Variants in SCFD2 observed in about 807,000 individuals in gnomAD.
SCFD2 encodes sec1 family domain containing 2.
SCFD2 carries 54 observed loss-of-function variants against 58.9 expected under a neutral mutation model. The observed-to-expected ratio is 0.92, with a 90% confidence interval of 0.74 to 1.15. SCFD2 has a LOEUF of 1.15. Among genes scored for constraint, SCFD2 ranks in the 50% most tolerant of loss-of-function variants. The probability of loss-of-function intolerance (pLI) is 0.00; values close to 1 mark genes in which losing one functional copy is unlikely to be tolerated. For missense variants in SCFD2, 805 were observed against 836.6 expected (o/e 0.96, Z 0.47); for synonymous variants, 321 against 335.9 (o/e 0.96, Z 0.49).
chr4:52,928,390 T>C (rs1319046866), intron 5 of SCFD2, among the ~76,000 whole-genome samples: 1 of 152,096 alleles, frequency 6.6e-6, no homozygotes, highest in Non-Finnish European at 1.5e-5. Context: ...AATTTCCCCT[T>C]TCATATTAGA....
chr4:53,162,562 A>G (rs1726883691), intron 4 of SCFD2, among the ~76,000 whole-genome samples: 1 of 152,148 alleles, frequency 6.6e-6, no homozygotes, highest in South Asian at 2.1e-4. Context: ...CCAACAGTGT[A>G]AAAGTGTTCC....
chr4:53,238,489 G>C (rs1367335948), intron 4 of SCFD2, among the ~76,000 whole-genome samples: 1 of 151,308 alleles, frequency 6.6e-6, no homozygotes, highest in Non-Finnish European at 1.5e-5. Flanking sequence ...GGCGGCTGGT[G>C]GGGCGGGGGC....
intron 5 of SCFD2, among the ~76,000 whole-genome samples, chr4:53,098,118 C>T (rs1724714910): frequency 1.3e-5 from 2 of 152,152 alleles, no homozygotes; most frequent in Admixed American, 1.3e-4. Context: ...TTTGGTTTAC[C>T]AGTATTTTAT....
At chr4:52,937,711 T>C (rs984979209) in intron 5 of SCFD2, among the ~76,000 whole-genome samples, 1 of 152,074 alleles carries the variant, frequency 6.6e-6, no homozygotes, top group African/African-American at 2.4e-5. Context: ...AGTCACCAAC[T>C]GAGGGTGTGA....
At chr4:53,293,097 T>C (rs1353146678) in intron 3 of SCFD2, among the ~76,000 whole-genome samples, 3 of 152,150 alleles carry the variant, frequency 2.0e-5, no homozygotes, top group East Asian at 3.9e-4. Flanking sequence ...ATGTAGTACA[T>C]ACACACCATA....
In SCFD2 at chr4:53,277,809, T is replaced by C. The variant is rs1215466355; in HGVS notation, c.1136-3808A>G. ...GGCTCACGCCTGTAATCGCAGCTCT[T>C]TGGGAGGCCGAGGCGGGCAGATCAC... is the stretch of plus-strand genomic sequence containing the variant. On this transcript the variant is annotated intron_variant, in intron 3 of 8. Coordinates refer to ENST00000401642, the MANE Select transcript of SCFD2 (RefSeq NM_152540.4). 3.3e-5 allele frequency among the ~76,000 whole-genome samples: 5 copies of C among 152,008 alleles called. No homozygotes were observed. The East Asian group carries it at 5.8e-4, about 18-fold the overall frequency.
intron 5 of SCFD2, among the ~76,000 whole-genome samples, chr4:52,938,349 G>A (rs939023759): frequency 2.6e-5 from 4 of 152,126 alleles, no homozygotes; most frequent in East Asian, 1.9e-4. Context: ...TGAGCCCAGA[G>A]CCCAGACTCC....
rs182119330 is a variant in SCFD2 at position 52,885,816 on chromosome 4, T to A, written c.1893A>T (p.Val631=). ...SDYPLLILFV[V]GGVTVSEVKM... ...TCACTTCAGAGACTGTGACCCCACC[T>A]ACCACAAAGAGGATCAGGAGGGGGT... The change falls in exon 8 of 9, where the codon GTA becomes GTT. Residue 631 remains valine (V), a synonymous_variant. Transcript: ENST00000401642. 8.1e-6 allele frequency: 13 copies of A among 1,614,112 alleles called. No homozygotes were observed. In the Admixed American group the frequency reaches 2.0e-4, roughly 25 times the overall value.
chr4:53,076,605 G>A (rs1363070601), intron 5 of SCFD2, among the ~76,000 whole-genome samples: 1 of 152,148 alleles, frequency 6.6e-6, no homozygotes, highest in African/African-American at 2.4e-5. Flanking sequence ...AGAGGAAAAT[G>A]AGGTGGACGG....
intron 5 of SCFD2, among the ~76,000 whole-genome samples, chr4:52,923,476 T>C (rs1308668720): frequency 1.5e-5 from 1 of 64,760 alleles, no homozygotes; most frequent in Non-Finnish European, 3.0e-5. Flanking sequence ...AGACTGCATC[T>C]CAAATAAATA....
chr4:53,174,434 C>T (rs1727267917), intron 4 of SCFD2, among the ~76,000 whole-genome samples: 1 of 152,128 alleles, frequency 6.6e-6, no homozygotes, highest in East Asian at 1.9e-4. Flanking sequence ...ATCTGAAAAG[C>T]AGTCAAAGAA....
At position 53,008,980 on chromosome 4, in the gene SCFD2, G is replaced by A. The variant is rs1577656689; in HGVS notation, c.1562-88110C>T. 2.0e-5 allele frequency among the ~76,000 whole-genome samples: 3 copies of A among 152,214 alleles called. No individual in the cohort carries two copies. The South Asian group carries it at 6.2e-4, about 32-fold the overall frequency. On this transcript the variant is annotated intron_variant, in intron 5 of 8. Transcript: ENST00000401642. ...CTGACAGAACAATCTAAAGCCTGAT[G>A]TGGAGATCTGGGTCTTAACAACCCC...
In SCFD2 at chr4:52,974,593, C is replaced by T. The variant is rs937505283; in HGVS notation, c.1562-53723G>A. Among the ~76,000 whole-genome samples, 9 of 152,138 alleles carry T rather than the reference C, an allele frequency of 5.9e-5. No individual in the cohort carries two copies. The East Asian group carries it at 1.2e-3, about 19-fold the overall frequency. Reference sequence around the variant, plus strand: ...CAATATCATGAAAATGGCCATACTGCCCAAGGTAATTTATAGATTCAATGT... The same window carrying T: ...CAATATCATGAAAATGGCCATACTGTCCAAGGTAATTTATAGATTCAATGT... On this transcript the variant is annotated intron_variant, in intron 5 of 8. Transcript: ENST00000401642.
At chr4:53,247,997 T>C (rs949624750) in intron 4 of SCFD2, among the ~76,000 whole-genome samples, 1 of 152,152 alleles carries the variant, frequency 6.6e-6, no homozygotes, top group Non-Finnish European at 1.5e-5. Context: ...ATTTCTGCAT[T>C]TCCATCTGAG....
chr4:53,196,591 G>A (rs545922700), intron 4 of SCFD2, among the ~76,000 whole-genome samples: 10 of 152,214 alleles, frequency 6.6e-5, no homozygotes, highest in South Asian at 2.1e-4. Context: ...TAGCCTCTGC[G>A]CCTTTGCAGG....
intron 4 of SCFD2, among the ~76,000 whole-genome samples, chr4:53,159,322 T>C (rs1726785559): frequency 6.6e-6 from 1 of 152,204 alleles, no homozygotes; most frequent in Non-Finnish European, 1.5e-5. Context: ...AGATATCAGC[T>C]GGTGAATGTT....
chr4:53,129,812 C>T (rs1725736290), intron 5 of SCFD2, among the ~76,000 whole-genome samples: 1 of 152,218 alleles, frequency 6.6e-6, no homozygotes, highest in African/African-American at 2.4e-5. Context: ...TCCATGCCTT[C>T]TTTATTCTAG....
chr4:53,029,047 A>G (rs1722551163), intron 5 of SCFD2, among the ~76,000 whole-genome samples: 1 of 152,248 alleles, frequency 6.6e-6, no homozygotes, highest in African/African-American at 2.4e-5. Context: ...TCCAGTACAA[A>G]GAAGGCAAGC....
intron 4 of SCFD2, among the ~76,000 whole-genome samples, chr4:53,238,138 T>G (rs1279751739): frequency 1.2e-5 from 1 of 83,254 alleles, no homozygotes; most frequent in African/African-American, 4.8e-5. Context: ...CGGGCAGAGG[T>G]GCCCCTCACC....
Sources: allele counts gnomAD v4.1 joint callset (sites outside exome capture counted in the v4.1 genomes callset), GRCh38; gene constraint gnomAD v4.1.1; transcripts MANE v1.5; gene names NCBI Gene and HGNC (gene_info 2026-07-23, HGNC 2026-07-21).